The following PTPRK variants were observed in gnomAD, a reference collection of about 807,000 sequenced individuals.
The protein encoded by PTPRK is protein tyrosine phosphatase receptor type K.
In PTPRK, 75 loss-of-function variants were observed where a neutral mutation model predicts 178.0. That is an observed-to-expected ratio of 0.42 (90% CI 0.35 to 0.51). PTPRK has a LOEUF of 0.51. Among genes scored for constraint, PTPRK ranks in the 20% least tolerant of loss-of-function variants. The pLI is 0.02. For missense variants in PTPRK, 1,441 were observed against 1,797.8 expected, an observed-to-expected ratio of 0.80 and a Z score of 3.59; for synonymous variants, 637 against 620.6, an observed-to-expected ratio of 1.03 and a Z score of -0.39.
At chr6:127,982,440 T>C (rs570915672) in intron 24 of PTPRK, among the ~76,000 whole-genome samples, 5 of 151,984 alleles carry the variant, frequency 3.3e-5, no homozygotes, top group African/African-American at 1.2e-4. Flanking sequence ...GCCTGGCTAA[T>C]TTTTTTTGTC....
chr6:128,113,082 A>C lies in PTPRK; in HGVS notation c.1163-23090T>G, dbSNP rs1488193389. Among the ~76,000 whole-genome samples the C allele has an allele frequency of 7.2e-5, 11 of 152,048 alleles. No individual in the cohort carries two copies. In the South Asian group the frequency reaches 2.3e-3, roughly 31 times the overall value. Reference sequence around the variant, plus strand: ...AATTATCCATCCTCACGATTCTGAGACCTCATCAAGAGGAATGACATAGCC... The same window carrying C: ...AATTATCCATCCTCACGATTCTGAGCCCTCATCAAGAGGAATGACATAGCC... On this transcript the variant is annotated intron_variant, in intron 7 of 29. Coordinates refer to ENST00000368226, the MANE Select transcript of PTPRK (RefSeq NM_002844.4).
At chr6:128,098,891 TG>T (rs1214930506) in intron 7 of PTPRK, among the ~76,000 whole-genome samples, 1 of 152,054 alleles carries the variant, frequency 6.6e-6, no homozygotes, top group Admixed American at 6.6e-5. Context: ...GATATATTTT[TG>T]TCTTCGCTTG....
intron 2 of PTPRK, among the ~76,000 whole-genome samples, chr6:128,367,195 T>C (rs1835628762): frequency 1.3e-5 from 2 of 152,150 alleles, no homozygotes; most frequent in South Asian, 4.1e-4. Flanking sequence ...TATCTGTTGA[T>C]GTATGGTTAA....
At chr6:128,516,670 G>A (rs9491979) in intron 1 of PTPRK, among the ~76,000 whole-genome samples, 1 of 152,124 alleles carries the variant, frequency 6.6e-6, no homozygotes, top group African/African-American at 2.4e-5. Context: ...TCAACAGGGT[G>A]ACATGTCAGG....
chr6:128,143,143 C>A (rs1167487808), intron 7 of PTPRK, among the ~76,000 whole-genome samples: 5 of 151,904 alleles, frequency 3.3e-5, no homozygotes, highest in Non-Finnish European at 5.9e-5. Context: ...ACCTTCCAGG[C>A]AGAAGAGAGG....
At chr6:128,194,950 A>T (rs947758775) in intron 6 of PTPRK, among the ~76,000 whole-genome samples, 73 of 152,014 alleles carry the variant, frequency 4.8e-4, no homozygotes, top group Non-Finnish European at 3.8e-4. Flanking sequence ...TATCAATTTT[A>T]AAAAAAACCT....
chr6:128,432,107 G>GT (rs1472493461), intron 1 of PTPRK, among the ~76,000 whole-genome samples: 1 of 152,120 alleles, frequency 6.6e-6, no homozygotes, highest in East Asian at 1.9e-4. Flanking sequence ...ATAAACCATT[G>GT]TGATCACCAA....
intron 13 of PTPRK, among the ~76,000 whole-genome samples, chr6:128,022,658 G>A (rs1773706127): frequency 6.6e-6 from 1 of 152,120 alleles, no homozygotes; most frequent in African/African-American, 2.4e-5. Flanking sequence ...CTCCAGTATT[G>A]CCAGATCAAA....
At chr6:128,136,142 A>G (rs969266145) in intron 7 of PTPRK, among the ~76,000 whole-genome samples, 7 of 152,162 alleles carry the variant, frequency 4.6e-5, no homozygotes, top group African/African-American at 1.4e-4. Context: ...ACACAGTGAT[A>G]AAGTGGCCAT....
At chr6:128,011,814 G>C (rs1779094681) in intron 13 of PTPRK, among the ~76,000 whole-genome samples, 2 of 147,862 alleles carry the variant, frequency 1.4e-5, no homozygotes, top group African/African-American at 5.2e-5. Flanking sequence ...TTTTAACATA[G>C]ATAGAAACTA....
At chr6:128,512,575 C>T (rs1759934461) in intron 1 of PTPRK, among the ~76,000 whole-genome samples, 1 of 152,166 alleles carries the variant, frequency 6.6e-6, no homozygotes, top group African/African-American at 2.4e-5. Context: ...TAACAAAAAA[C>T]ACTTACAGGC....
In PTPRK at chr6:128,519,634, C is replaced by G. The variant is rs145691617; in HGVS notation, c.100+625G>C. 4.3e-4 allele frequency among the ~76,000 whole-genome samples: 65 copies of G among 152,362 alleles called. No homozygotes were observed. Among genetic ancestry groups the G allele is most frequent in the Middle Eastern group, 3.4e-3 (1 of 294 alleles). ...TCCTTAGAACCGCATTTCAACACATCTTACAGGGCTCCGCCAACACACACA... is the reference window on the plus strand; with the variant it reads ...TCCTTAGAACCGCATTTCAACACATGTTACAGGGCTCCGCCAACACACACA... On this transcript the variant is annotated intron_variant, in intron 1 of 29. Coordinates refer to ENST00000368226, the MANE Select transcript of PTPRK (RefSeq NM_002844.4). This position sits in a 1 kb window ranked among gnomAD's most constrained non-coding sequence, Gnocchi z 4.3.
At chr6:128,278,759 C>T (rs1821199043) in intron 3 of PTPRK, among the ~76,000 whole-genome samples, 1 of 152,120 alleles carries the variant, frequency 6.6e-6, no homozygotes, top group African/African-American at 2.4e-5. Flanking sequence ...CTATAAAAAA[C>T]ATCGAATGCA....
intron 1 of PTPRK, among the ~76,000 whole-genome samples, chr6:128,398,342 AG>A (rs1200873996): frequency 6.6e-6 from 1 of 152,196 alleles, no homozygotes; most frequent in African/African-American, 2.4e-5. Context: ...TTGCAAAGGG[AG>A]TACGCTGTGG....
chr6:128,496,225 C>T (rs1245964444), intron 1 of PTPRK, among the ~76,000 whole-genome samples: 1 of 152,096 alleles, frequency 6.6e-6, no homozygotes, highest in Non-Finnish European at 1.5e-5. Flanking sequence ...AAAAAGCAAA[C>T]TTGATGAGGA....
chr6:128,396,977 G>A (rs1451873071), intron 2 of PTPRK, among the ~76,000 whole-genome samples: 1 of 152,108 alleles, frequency 6.6e-6, no homozygotes, highest in African/African-American at 2.4e-5. Flanking sequence ...CAGCCTGGGT[G>A]ACAGAGTGAG....
At chr6:128,380,397 C>T (rs150107194) in intron 2 of PTPRK, among the ~76,000 whole-genome samples, 15 of 152,078 alleles carry the variant, frequency 9.9e-5, no homozygotes, top group Non-Finnish European at 1.3e-4. Context: ...CCCTTATAAA[C>T]GCAACCTTCC....
chr6:128,131,049 C>A (rs1376254738), intron 7 of PTPRK, among the ~76,000 whole-genome samples: 1 of 152,130 alleles, frequency 6.6e-6, no homozygotes, highest in Non-Finnish European at 1.5e-5. Flanking sequence ...ACCTTGTGCA[C>A]CATTTTCTTT....
intron 2 of PTPRK, among the ~76,000 whole-genome samples, chr6:128,388,099 T>C (rs1225099120): frequency 6.6e-6 from 1 of 152,242 alleles, no homozygotes; most frequent in South Asian, 2.1e-4. Context: ...ATAAATGCTT[T>C]ATTTGTGCAT....
Sources: gnomAD v4.1 joint callset for allele counts (sites outside exome capture counted in the v4.1 genomes callset) on GRCh38, gnomAD v4.1.1 for gene constraint, Gnocchi (gnomAD v3.1) non-coding constraint, MANE v1.5 for transcripts, NCBI Gene and HGNC (gene_info 2026-07-23, HGNC 2026-07-21) for gene names.